The following SPON1 variants were observed in gnomAD, a reference collection of about 807,000 sequenced individuals.
SPON1 encodes the protein spondin 1, also known as spondin-1.
Under a neutral mutation model 111.7 loss-of-function variants are expected in SPON1, and 52 were observed. The ratio of observed to expected loss-of-function variants is 0.47; its 90% CI spans 0.37 to 0.59. SPON1 has a LOEUF of 0.59. Ranked by LOEUF, SPON1 falls within the 20% of genes least tolerant of loss-of-function variation. The pLI is 0.00. For missense variants in SPON1, 957 were observed against 1,068.5 expected (o/e 0.90, Z 1.46); for synonymous variants, 410 against 395.8 (o/e 1.04, Z -0.43).
chr11:14,074,784 T>C (rs1425047906), intron 3 of SPON1, among the ~76,000 whole-genome samples: 1 of 152,220 alleles, frequency 6.6e-6, no homozygotes, highest in African/African-American at 2.4e-5. Context: ...GATCCTGCAT[T>C]TGACATGTTT....
intron 5 of SPON1, 90 bp downstream of exon 5, chr11:14,080,111 A>T (rs1289903403): frequency 6.7e-7 from 1 of 1,484,948 alleles, no homozygotes; most frequent in Non-Finnish European, 9.3e-7. Context: ...AGCATGTCAG[A>T]TCTGCTCCCT....
At chr11:14,035,252 A>G (rs1432788488) in intron 2 of SPON1, among the ~76,000 whole-genome samples, 8 of 152,146 alleles carry the variant, frequency 5.3e-5, no homozygotes, top group Non-Finnish European at 1.0e-4. Context: ...TAGGGGAAAG[A>G]GCATGGACAT....
intron 13 of SPON1, among the ~76,000 whole-genome samples, 165 bp from the exon 14 acceptor site, chr11:14,260,422 GC>G (rs1849158750): frequency 6.6e-6 from 1 of 152,170 alleles, no homozygotes; most frequent in South Asian, 2.1e-4. Flanking sequence ...AGGCTGCTGA[GC>G]CACTTCTTGC....
At chr11:14,090,893 C>T (rs1554923256) in intron 5 of SPON1, among the ~76,000 whole-genome samples, 3 of 133,414 alleles carry the variant, frequency 2.2e-5, no homozygotes, top group Non-Finnish European at 3.1e-5. Flanking sequence ...TTTGTCAGGG[C>T]GCTGATTGGT....
At chr11:14,028,331 A>C (rs1591355515) in intron 2 of SPON1, among the ~76,000 whole-genome samples, 1 of 152,002 alleles carries the variant, frequency 6.6e-6, no homozygotes, top group Non-Finnish European at 1.5e-5. Context: ...TAAAAAATAA[A>C]AAATATTACC....
intron 1 of SPON1, among the ~76,000 whole-genome samples, chr11:13,982,166 ATATGTATGTATG>A (rs60172146): frequency 2.0e-5 from 3 of 150,984 alleles, no homozygotes; most frequent in Non-Finnish European, 4.4e-5. Context: ...AAACTTTATC[ATATGTATGTATG>A]TATGTATGTA....
chr11:14,260,762 G>A lies in SPON1; in HGVS notation c.1996+10G>A, dbSNP rs781966210. On this transcript the variant is annotated intron_variant, in intron 14 of 15. Coordinates refer to ENST00000576479, the MANE Select transcript of SPON1 (RefSeq NM_006108.4). ...ATGCTCCCTGAATGCCGTAAGTCCTGGAGCTCCTCAAGGCCCATCACTTCT... is the reference window on the plus strand; with the variant it reads ...ATGCTCCCTGAATGCCGTAAGTCCTAGAGCTCCTCAAGGCCCATCACTTCT... 6.0e-5 allele frequency: 97 copies of A among 1,611,822 alleles called. No individual in the cohort carries two copies. Among genetic ancestry groups the A allele is most frequent in the Non-Finnish European group, 7.4e-5 (87 of 1,178,686 alleles).
chr11:14,030,448 G>A lies in SPON1; in HGVS notation c.346-11073G>A, dbSNP rs911637247. Among the ~76,000 whole-genome samples the A allele has an allele frequency of 5.3e-5, 8 of 152,156 alleles. No homozygotes were observed. In the South Asian group the frequency reaches 1.0e-3, roughly 20 times the overall value. ...CCACATGCCCGGTGCCAGAGGGTCC[G>A]CCAATGGTGCTCGTGGCCACGTCAC... On this transcript the variant is annotated intron_variant, in intron 2 of 15. Transcript: ENST00000576479.
chr11:14,075,788 A>G (rs1213838448), intron 4 of SPON1, among the ~76,000 whole-genome samples: 1 of 152,238 alleles, frequency 6.6e-6, no homozygotes, highest in African/African-American at 2.4e-5. Flanking sequence ...AAAAATCACC[A>G]GCAAGATCTT....
intron 3 of SPON1, among the ~76,000 whole-genome samples, chr11:14,050,653 G>T (rs781967136): frequency 6.6e-6 from 1 of 151,898 alleles, no homozygotes; most frequent in Non-Finnish European, 1.5e-5. Flanking sequence ...TGATCCCAGG[G>T]ATCAAGAGTG....
chr11:13,996,369 C>T (rs1848272492), intron 2 of SPON1, among the ~76,000 whole-genome samples: 1 of 152,198 alleles, frequency 6.6e-6, no homozygotes, highest in South Asian at 2.1e-4. Flanking sequence ...TTGTAAGAAG[C>T]ACAAGAAGCA....
chr11:14,112,839 T>A (rs1554925582), intron 5 of SPON1, among the ~76,000 whole-genome samples: 1 of 152,180 alleles, frequency 6.6e-6, no homozygotes, highest in East Asian at 1.9e-4. Context: ...CTTCTAATTC[T>A]TCCAAGCACT....
chr11:14,140,156 T>C (rs1330455637), intron 6 of SPON1, among the ~76,000 whole-genome samples: 1 of 152,204 alleles, frequency 6.6e-6, no homozygotes, highest in Non-Finnish European at 1.5e-5. Context: ...AGGGCCTTGT[T>C]GGGTTTCCTC....
At chr11:14,114,042 T>A (rs1849248802) in intron 5 of SPON1, among the ~76,000 whole-genome samples, 2 of 152,214 alleles carry the variant, frequency 1.3e-5, no homozygotes, top group South Asian at 4.1e-4. Context: ...GCATTTATCC[T>A]TTGAGTTACA....
intron 6 of SPON1, among the ~76,000 whole-genome samples, chr11:14,210,313 G>A (rs1159078124): frequency 1.4e-5 from 2 of 147,374 alleles, no homozygotes; most frequent in African/African-American, 2.5e-5. Context: ...TGCTTTTGGT[G>A]TTTTTCTCAT....
At chr11:14,098,794 C>CAT (rs1849122212) in intron 5 of SPON1, among the ~76,000 whole-genome samples, 1 of 152,144 alleles carries the variant, frequency 6.6e-6, no homozygotes, top group South Asian at 2.1e-4. Flanking sequence ...CTATGAAATG[C>CAT]ATCTGGCTTT....
rs1261931492 is a variant in SPON1, at chr11:14,255,545, A to G, written c.1093-102A>G. 5.7e-6 allele frequency: 6 copies of G among 1,059,952 alleles called. No individual in the cohort carries two copies. The African/African-American group carries it at 7.9e-5, about 14-fold the overall frequency. 65.7% of individuals were successfully genotyped at this position (1,059,952 alleles called of 1,614,324 possible). A position where few individuals can be genotyped will look rare whatever the true frequency, so the allele number is the denominator to read the frequency against. ...AATATAAATAGTAGTTATGCTTGTT[A>G]AATTCCTATCAAGGACTTTGCTCTG... On this transcript the variant is annotated intron_variant, in intron 8 of 15. Transcript: ENST00000576479.
At chr11:14,194,845 T>G (rs904264840) in intron 6 of SPON1, among the ~76,000 whole-genome samples, 2 of 152,226 alleles carry the variant, frequency 1.3e-5, no homozygotes, top group African/African-American at 2.4e-5. Flanking sequence ...ATGTTTATTG[T>G]AGGAGGAAAT....
At chr11:14,000,430 A>G (rs1848308083) in intron 2 of SPON1, among the ~76,000 whole-genome samples, 1 of 152,170 alleles carries the variant, frequency 6.6e-6, no homozygotes, top group African/African-American at 2.4e-5. Context: ...CTTATTAGCT[A>G]TTACCCCTAC....
Sources: gnomAD v4.1 joint callset for allele counts (sites outside exome capture counted in the v4.1 genomes callset) on GRCh38, gnomAD v4.1.1 for gene constraint, MANE v1.5 for transcripts, NCBI Gene and HGNC (gene_info 2026-07-23, HGNC 2026-07-21) for gene names.